RPTOR: variants seen among roughly 807,000 people sequenced by gnomAD.
RPTOR encodes the protein regulatory-associated protein of mTOR.
Under a neutral mutation model 169.9 loss-of-function variants are expected in RPTOR, and 21 were observed. The ratio of observed to expected loss-of-function variants is 0.12; its 90% CI spans 0.09 to 0.18. The LOEUF (loss-of-function observed/expected upper bound fraction) is 0.18, where lower values mean the gene tolerates loss of function less well. RPTOR is among the 10% of genes least tolerant of loss of function. The pLI is 1.00. For missense variants in RPTOR, 1,133 were observed against 1,855.9 expected, an observed-to-expected ratio of 0.61 and a Z score of 7.16; for synonymous variants, 732 against 753.2, an observed-to-expected ratio of 0.97 and a Z score of 0.46.
At chr17:80,887,659 G>A (rs1029286316) in intron 17 of RPTOR, among the ~76,000 whole-genome samples, 1 of 152,116 alleles carries the variant, frequency 6.6e-6, no homozygotes, top group African/African-American at 2.4e-5. Flanking sequence ...CACCCTCTGG[G>A]GTGGGAGAGA....
chr17:80,681,990 C>G (rs925806464), intron 3 of RPTOR, among the ~76,000 whole-genome samples: 3 of 152,062 alleles, frequency 2.0e-5, no homozygotes, highest in Non-Finnish European at 4.4e-5. Context: ...GTGATATAAT[C>G]TTATCAGTTC....
chr17:80,554,772 C>CAAAACAAAACA (rs766303269), intron 1 of RPTOR, among the ~76,000 whole-genome samples: 1 of 97,320 alleles, frequency 1.0e-5, no homozygotes, highest in Admixed American at 1.1e-4. Context: ...ACAAAACAAA[C>CAAAACAAAACA]AACAACAACA....
intron 24 of RPTOR, among the ~76,000 whole-genome samples, chr17:80,938,428 T>G (rs756232534): frequency 3.9e-5 from 6 of 152,250 alleles, no homozygotes; most frequent in Non-Finnish European, 7.3e-5. Flanking sequence ...CTCATTAAAG[T>G]GCAATGTCTC....
rs1399890885 is a variant in RPTOR, at chr17:80,746,984, G to A, written c.655-7026G>A. ...TGTAACCCCAGAACTTCGGGAGGCC[G>A]AGGCAGGCAGCTCACTTGAGGTCAG... On this transcript the variant is annotated intron_variant, in intron 5 of 33. Coordinates refer to ENST00000306801, the MANE Select transcript of RPTOR (RefSeq NM_020761.3). The surrounding 1 kb of genome is among the most constrained non-coding windows in gnomAD (Gnocchi z 4.5). 6.6e-6 allele frequency among the ~76,000 whole-genome samples: 1 copy of A among 152,122 alleles called. No homozygotes were observed. Among genetic ancestry groups the A allele is most frequent in the Non-Finnish European group, 1.5e-5 (1 of 68,022 alleles).
intron 5 of RPTOR, among the ~76,000 whole-genome samples, chr17:80,740,232 C>T (rs1006520391): frequency 1.2e-4 from 18 of 152,128 alleles, no homozygotes; most frequent in African/African-American, 4.3e-4. Flanking sequence ...AATAGATAAT[C>T]TGAATAGTCA....
chr17:80,873,131 AG>A (rs1183430094), intron 13 of RPTOR, among the ~76,000 whole-genome samples: 1 of 152,196 alleles, frequency 6.6e-6, no homozygotes, highest in Non-Finnish European at 1.5e-5. Flanking sequence ...CCTGAGGTCA[AG>A]GCTGGGTTCG....
chr17:80,878,107 G>T lies in RPTOR; in HGVS notation c.1510-2308G>T, dbSNP rs936653713. ...TCAGGCATCCAGTTCTTAAAATTCC[G>T]GCCCTCTGTCCTTGCATGGCCTTCG... is the stretch of plus-strand genomic sequence containing the variant. On this transcript the variant is annotated intron_variant, in intron 13 of 33. Transcript: ENST00000306801. This position sits in a 1 kb window ranked among gnomAD's most constrained non-coding sequence, Gnocchi z 4.1. Among the ~76,000 whole-genome samples the T allele has an allele frequency of 6.6e-6, 1 of 152,138 alleles. No homozygotes were observed. Among genetic ancestry groups the T allele is most frequent in the Non-Finnish European group, 1.5e-5 (1 of 68,032 alleles).
At chr17:80,744,065 T>G (rs1406178407) in intron 5 of RPTOR, among the ~76,000 whole-genome samples, 9 of 108,870 alleles carry the variant, frequency 8.3e-5, no homozygotes, top group South Asian at 2.8e-4. Flanking sequence ...CCCTGGCTAC[T>G]AGCACTGTCC....
intron 1 of RPTOR, among the ~76,000 whole-genome samples, chr17:80,615,553 C>T (rs1025853155): frequency 2.0e-5 from 3 of 152,132 alleles, no homozygotes; most frequent in South Asian, 2.1e-4. Flanking sequence ...TCTTAATGGA[C>T]GGCTTATTAC....
At chr17:80,734,773 C>T (rs1349205916) in intron 5 of RPTOR, among the ~76,000 whole-genome samples, 1 of 152,162 alleles carries the variant, frequency 6.6e-6, no homozygotes, top group Non-Finnish European at 1.5e-5. Flanking sequence ...GCTTCCACAT[C>T]CTTGGAGTCA....
intron 13 of RPTOR, 82 bp from the exon 14 acceptor site, chr17:80,880,333 T>C (rs2143829117): frequency 1.7e-6 from 2 of 1,177,922 alleles, no homozygotes; most frequent in Non-Finnish European, 2.6e-6. Flanking sequence ...TCCCTGCCCT[T>C]ATTCGTTCAC....
chr17:80,819,072 G>A (rs978179036), intron 7 of RPTOR, among the ~76,000 whole-genome samples: 1 of 152,208 alleles, frequency 6.6e-6, no homozygotes, highest in Admixed American at 6.5e-5. Context: ...CGGGCAAATG[G>A]TCTGTCTGTG....
At position 80,632,335 on chromosome 17, in the gene RPTOR, G is replaced by A. The variant is rs187579668; in HGVS notation, c.265+6542G>A. On this transcript the variant is annotated intron_variant, in intron 2 of 33. Coordinates refer to ENST00000306801, the MANE Select transcript of RPTOR (RefSeq NM_020761.3). ...GGATCCCTGTGTGTGCTCCGGGGAC[G>A]GGACGCGCAGGCCCTTCGGGGTTGT... Among the ~76,000 whole-genome samples, 341 of 152,334 alleles carry A rather than the reference G, an allele frequency of 2.2e-3. 4 individuals carry two copies. The highest frequency in any genetic ancestry group is 0.019 in the Admixed American group (284 of 15,304).
At chr17:80,613,796 C>T (rs1230981433) in intron 1 of RPTOR, among the ~76,000 whole-genome samples, 4 of 146,190 alleles carry the variant, frequency 2.7e-5, no homozygotes, top group Non-Finnish European at 4.5e-5. Context: ...GGCTGGGCCA[C>T]GTGTTGTGTG....
intron 1 of RPTOR, among the ~76,000 whole-genome samples, chr17:80,572,156 G>T (rs1372774694): frequency 1.3e-5 from 2 of 152,070 alleles, no homozygotes; most frequent in Non-Finnish European, 2.9e-5. Context: ...GGAGTGCAGT[G>T]GCACCATCAC....
At chr17:80,863,378 T>TA (rs2067942470) in intron 13 of RPTOR, among the ~76,000 whole-genome samples, 1 of 152,032 alleles carries the variant, frequency 6.6e-6, no homozygotes, top group South Asian at 2.1e-4. Flanking sequence ...ATCAGGAAAA[T>TA]ATGACCCGTA....
intron 3 of RPTOR, among the ~76,000 whole-genome samples, chr17:80,685,473 A>G (rs896278624): frequency 4.7e-5 from 7 of 149,456 alleles, no homozygotes; most frequent in African/African-American, 1.7e-4. Flanking sequence ...ATGTAGGAAT[A>G]GAGTCTTGAT....
intron 1 of RPTOR, among the ~76,000 whole-genome samples, chr17:80,594,962 C>A (rs2065134319): frequency 6.6e-6 from 1 of 151,826 alleles, no homozygotes; most frequent in East Asian, 1.9e-4. Flanking sequence ...CAGTAACTGC[C>A]TGGGCTGATG....
chr17:80,575,741 G>A (rs1221162961), intron 1 of RPTOR, among the ~76,000 whole-genome samples: 1 of 152,146 alleles, frequency 6.6e-6, no homozygotes, highest in Non-Finnish European at 1.5e-5. Context: ...TTTATTTGTG[G>A]TGTACAAATC....
Sources: gnomAD v4.1 joint callset for allele counts (sites outside exome capture counted in the v4.1 genomes callset) on GRCh38, gnomAD v4.1.1 for gene constraint, Gnocchi (gnomAD v3.1) non-coding constraint, MANE v1.5 for transcripts, NCBI Gene and HGNC (gene_info 2026-07-23, HGNC 2026-07-21) for gene names.